Variants in GPCPD1 observed in about 807,000 individuals in gnomAD.
The protein encoded by GPCPD1 is glycerophosphocholine phosphodiesterase GPCPD1.
GPCPD1 carries 29 observed loss-of-function variants against 89.2 expected under a neutral mutation model. That is an observed-to-expected ratio of 0.33 (90% CI 0.24 to 0.44). GPCPD1 has a LOEUF of 0.44. Ranked by LOEUF, GPCPD1 falls within the 20% of genes least tolerant of loss-of-function variation. The pLI, the probability that GPCPD1 is intolerant of heterozygous loss-of-function variation, is 1.00. For missense variants in GPCPD1, 594 were observed against 808.9 expected, an observed-to-expected ratio of 0.73 and a Z score of 3.22; for synonymous variants, 258 against 266.3, an observed-to-expected ratio of 0.97 and a Z score of 0.30.
At chr20:5,596,793 C>A (rs112044895) in intron 3 of GPCPD1, among the ~76,000 whole-genome samples, 7 of 152,312 alleles carry the variant, frequency 4.6e-5, no homozygotes, top group African/African-American at 1.7e-4. Context: ...TTTTAAAACT[C>A]ACGAATATTG....
intron 7 of GPCPD1, among the ~76,000 whole-genome samples, 187 bp downstream of exon 7, chr20:5,579,821 A>G (rs538810011): frequency 6.6e-6 from 1 of 152,368 alleles, no homozygotes; most frequent in African/African-American, 2.4e-5. Context: ...ACATGTAGAA[A>G]TTAAGACTAA....
chr20:5,547,882 T>C, intron 19 of GPCPD1, 32 bp from the exon 20 acceptor site: 1 of 1,245,462 alleles, frequency 8.0e-7, no homozygotes, highest in Non-Finnish European at 1.1e-6. Context: ...ACACATAAAA[T>C]ACTGTAATTT....
At chr20:5,600,853 G>A (rs972364001) in intron 2 of GPCPD1, among the ~76,000 whole-genome samples, 2 of 151,320 alleles carry the variant, frequency 1.3e-5, no homozygotes, top group Non-Finnish European at 2.9e-5. Context: ...AGCCGGGTAT[G>A]GTGGCAAGCA....
chr20:5,608,601 C>A (rs1219877870), intron 1 of GPCPD1, among the ~76,000 whole-genome samples: 2 of 139,156 alleles, frequency 1.4e-5, no homozygotes, highest in African/African-American at 5.8e-5. Flanking sequence ...CCCACCCATA[C>A]ACCTTCTTCT....
At chr20:5,550,244 T>C (rs529415565) in intron 19 of GPCPD1, among the ~76,000 whole-genome samples, 125 of 90,300 alleles carry the variant, frequency 1.4e-3, no homozygotes, top group African/African-American at 5.2e-3. Flanking sequence ...CTCAACAGAA[T>C]GAGTAGAAAG....
intron 4 of GPCPD1, among the ~76,000 whole-genome samples, chr20:5,591,646 A>G (rs1600785031): frequency 6.6e-6 from 1 of 152,220 alleles, no homozygotes; most frequent in South Asian, 2.1e-4. Context: ...TGCCTTGCAC[A>G]TTACTTCTAT....
At position 5,576,104 on chromosome 20, in the gene GPCPD1, TA is replaced by T. The variant is rs1204644707; in HGVS notation, c.706-127del. 14 of 430,756 alleles carry T rather than the reference TA, an allele frequency of 3.3e-5. No homozygotes were observed. In the South Asian group the frequency reaches 9.4e-4, roughly 29 times the overall value. 26.7% of individuals were successfully genotyped at this position (430,756 alleles called of 1,614,324 possible). ...CTCCTATATATGAAATGTGTATATA[TA>T]TATTTTTTTTTTCATAAAAACTTCA... On this transcript the variant is annotated intron_variant, in intron 8 of 19. Transcript: ENST00000379019.
chr20:5,550,424 T>C (rs970644667), intron 19 of GPCPD1, among the ~76,000 whole-genome samples: 1 of 152,164 alleles, frequency 6.6e-6, no homozygotes, highest in Non-Finnish European at 1.5e-5. Context: ...AGAATTATTT[T>C]TGAAAAAATT....
At chr20:5,557,861 A>G (rs1208114695) in intron 19 of GPCPD1, 84 bp downstream of exon 19, 1 of 769,512 alleles carries the variant, frequency 1.3e-6, no homozygotes, top group African/African-American at 1.8e-5. Context: ...TTTTAACTTA[A>G]CTAAGTTTAA....
At chr20:5,582,221 T>TAAAA (rs1978584939) in intron 6 of GPCPD1, among the ~76,000 whole-genome samples, 1 of 92,324 alleles carries the variant, frequency 1.1e-5, no homozygotes, top group African/African-American at 5.2e-5. Flanking sequence ...AAAAAAAAAC[T>TAAAA]ACTACTCCAT....
intron 15 of GPCPD1, among the ~76,000 whole-genome samples, chr20:5,561,750 A>G (rs1159011242): frequency 6.6e-6 from 1 of 152,262 alleles, no homozygotes; most frequent in African/African-American, 2.4e-5. Context: ...CAGCAAAAGC[A>G]GGAGTCTCAG....
intron 11 of GPCPD1, among the ~76,000 whole-genome samples, chr20:5,571,889 A>G (rs1986744701): frequency 6.6e-6 from 1 of 151,710 alleles, no homozygotes; most frequent in Non-Finnish European, 1.5e-5. Context: ...AGCCTGAGTG[A>G]CAGAACAAAA....
rs775756827 is a variant in GPCPD1 at position 5,575,705 on chromosome 20, G to A, written c.868+111C>T. 3.2e-4 allele frequency: 280 copies of A among 884,964 alleles called. 1 individual carries two copies. Among genetic ancestry groups the A allele is most frequent in the Non-Finnish European group, 6.4e-5 (36 of 565,282 alleles). 54.8% of individuals were successfully genotyped at this position (884,964 alleles called of 1,614,324 possible). ...ATGTAACAGACATGCTCCTTAAATT[G>A]ATACTAAAGCAAATTATTAATTTCA... is the stretch of plus-strand genomic sequence containing the variant. On this transcript the variant is annotated intron_variant, in intron 9 of 19. Transcript: ENST00000379019.
chr20:5,607,655 T>C (rs1980682675), intron 1 of GPCPD1, among the ~76,000 whole-genome samples: 1 of 151,928 alleles, frequency 6.6e-6, no homozygotes, highest in African/African-American at 2.4e-5. Flanking sequence ...TTCTACTTTC[T>C]GCATCTAAGA....
At position 5,578,391 on chromosome 20, in the gene GPCPD1, C is replaced by A; in HGVS notation, c.694G>T (p.Asp232Tyr). 1.2e-6 allele frequency: 2 copies of A among 1,603,004 alleles called. No individual in the cohort carries two copies. The highest frequency in any genetic ancestry group is 2.2e-5 in the South Asian group (2 of 90,876). Residue 232 changes from aspartate to tyrosine, a missense_variant, in exon 8 of 20, where the codon GAT (aspartate) becomes TAT (tyrosine). By Grantham distance (160) the Asp-to-Tyr change is radical. Coordinates refer to ENST00000379019, the MANE Select transcript of GPCPD1 (RefSeq NM_019593.5). Reference protein sequence around the residue: ...MEPDNLELIFDFFEEDLSEHV... With the variant: ...MEPDNLELIFYFFEEDLSEHV... ...CAGTAACTACTCACTTCGAAAAAAT[C>A]AAAGATTAGTTCCAGGTTATCTGGT...
At chr20:5,564,341 C>CCA (rs1568649963) in intron 15 of GPCPD1, among the ~76,000 whole-genome samples, 4 of 150,280 alleles carry the variant, frequency 2.7e-5, no homozygotes, top group Non-Finnish European at 5.9e-5. Flanking sequence ...AAAAAAAAAA[C>CCA]CAAAAACTGC....
At chr20:5,567,627 C>A in intron 12 of GPCPD1, 67 bp from the exon 13 acceptor site, 2 of 1,379,444 alleles carry the variant, frequency 1.4e-6, no homozygotes, top group South Asian at 1.4e-5. Flanking sequence ...AAAGTAAGCC[C>A]TAAATTATTA....
intron 15 of GPCPD1, among the ~76,000 whole-genome samples, chr20:5,563,192 G>T (rs1163334053): frequency 6.6e-6 from 1 of 152,056 alleles, no homozygotes. Flanking sequence ...TGTTAGCCAG[G>T]ATGATCTTGA....
At chr20:5,576,089 T>C (rs1978288027) in intron 8 of GPCPD1, 111 bp from the exon 9 acceptor site, 1 of 496,632 alleles carries the variant, frequency 2.0e-6, no homozygotes, top group Non-Finnish European at 3.5e-6. Flanking sequence ...CTCCTATATA[T>C]GAAATGTGTA....
Sources: gnomAD v4.1 joint callset for allele counts (sites outside exome capture counted in the v4.1 genomes callset) on GRCh38, gnomAD v4.1.1 for gene constraint, MANE v1.5 for transcripts, NCBI Gene and HGNC (gene_info 2026-07-23, HGNC 2026-07-21) for gene names.